Variants in ST6GALNAC3 observed in about 807,000 individuals in gnomAD.
ST6GALNAC3 encodes alpha-N-acetylgalactosaminide alpha-2,6-sialyltransferase 3.
A neutral mutation model predicts 32.7 loss-of-function variants in ST6GALNAC3; 25 were observed. The observed-to-expected ratio is 0.76, with a 90% CI of 0.56 to 1.07. The LOEUF (loss-of-function observed/expected upper bound fraction) is 1.07, where lower values mean the gene tolerates loss of function less well. ST6GALNAC3 is among the 50% of genes least tolerant of loss of function. The pLI, the probability that ST6GALNAC3 is intolerant of heterozygous loss-of-function variation, is 0.00. For synonymous variants in ST6GALNAC3, 129 were observed against 133.1 expected (o/e 0.97, Z 0.21); for missense variants, 355 against 382.4 (o/e 0.93, Z 0.60).
At chr1:76,400,104 G>C (rs1653291252) in intron 2 of ST6GALNAC3, among the ~76,000 whole-genome samples, 1 of 152,008 alleles carries the variant, frequency 6.6e-6, no homozygotes, top group Non-Finnish European at 1.5e-5. Flanking sequence ...TCATTTTGAA[G>C]GGATAGCTTC....
intron 1 of ST6GALNAC3, among the ~76,000 whole-genome samples, chr1:76,261,779 T>G (rs557692177): frequency 1.3e-5 from 2 of 152,292 alleles, no homozygotes; most frequent in East Asian, 3.9e-4. Flanking sequence ...AACTCCCCTC[T>G]TTTGGCCTAA....
intron 3 of ST6GALNAC3, among the ~76,000 whole-genome samples, chr1:76,423,321 T>A (rs967111690): frequency 1.3e-5 from 2 of 152,002 alleles, no homozygotes; most frequent in Non-Finnish European, 2.9e-5. Flanking sequence ...TAGAAATGGA[T>A]AACTAGGGCC....
chr1:76,229,584 TG>T (rs1656252948), intron 1 of ST6GALNAC3, among the ~76,000 whole-genome samples: 1 of 152,194 alleles, frequency 6.6e-6, no homozygotes, highest in Non-Finnish European at 1.5e-5. Flanking sequence ...CTCATTTGGT[TG>T]GTCTTTGTTT....
intron 3 of ST6GALNAC3, among the ~76,000 whole-genome samples, chr1:76,559,525 C>T (rs994244570): frequency 6.6e-6 from 1 of 152,114 alleles, no homozygotes; most frequent in Non-Finnish European, 1.5e-5. Context: ...ATACGTTAAA[C>T]TTTGTCAAAA....
downstream of ST6GALNAC3, among the ~76,000 whole-genome samples, chr1:76,636,091 T>C (rs1315479448): frequency 5.9e-5 from 9 of 152,164 alleles, no homozygotes; most frequent in Non-Finnish European, 1.0e-4. Flanking sequence ...AAAAAAATTT[T>C]TGTGTATGGA....
chr1:76,594,534 G>A (rs748930317), intron 3 of ST6GALNAC3, among the ~76,000 whole-genome samples: 25 of 152,032 alleles, frequency 1.6e-4, no homozygotes, highest in Non-Finnish European at 3.1e-4. Flanking sequence ...AATTACATTC[G>A]GATATTTTCT....
chr1:76,215,331 G>C (rs1655392800), intron 1 of ST6GALNAC3, among the ~76,000 whole-genome samples: 2 of 152,324 alleles, frequency 1.3e-5, no homozygotes, highest in East Asian at 1.9e-4. Context: ...GTCATTCACT[G>C]TGTGATGTGG....
intron 1 of ST6GALNAC3, among the ~76,000 whole-genome samples, chr1:76,159,748 TA>T (rs1157823399): frequency 6.6e-6 from 1 of 152,192 alleles, no homozygotes; most frequent in African/African-American, 2.4e-5. Context: ...GTCTGAAAGA[TA>T]AAAACAAGTG....
intron 3 of ST6GALNAC3, among the ~76,000 whole-genome samples, chr1:76,574,900 C>G (rs1646775759): frequency 6.6e-6 from 1 of 151,990 alleles, no homozygotes; most frequent in South Asian, 2.1e-4. Flanking sequence ...AGAAGGTGGC[C>G]CTTCCTCCAT....
At chr1:76,539,314 T>C (rs1260263586) in intron 3 of ST6GALNAC3, among the ~76,000 whole-genome samples, 2 of 152,218 alleles carry the variant, frequency 1.3e-5, no homozygotes, top group South Asian at 2.1e-4. Flanking sequence ...GCTAGCCATA[T>C]GCAGAAAACT....
intron 3 of ST6GALNAC3, among the ~76,000 whole-genome samples, chr1:76,484,236 T>C (rs1659943434): frequency 6.6e-6 from 1 of 152,188 alleles, no homozygotes; most frequent in African/African-American, 2.4e-5. Context: ...AACTTTAAAG[T>C]AGTTTTTTCC....
chr1:76,155,613 G>A (rs1008529019), intron 1 of ST6GALNAC3, among the ~76,000 whole-genome samples: 1 of 149,218 alleles, frequency 6.7e-6, no homozygotes, highest in Non-Finnish European at 1.5e-5. Context: ...GACGACAGGC[G>A]CCCGCCACTA....
intron 3 of ST6GALNAC3, among the ~76,000 whole-genome samples, chr1:76,595,495 G>C (rs1249355067): frequency 6.6e-6 from 1 of 152,064 alleles, no homozygotes; most frequent in African/African-American, 2.4e-5. Flanking sequence ...CTCCTGCAAT[G>C]TTTAACTGGT....
chr1:76,089,643 G>C (rs1283552489), intron 1 of ST6GALNAC3, among the ~76,000 whole-genome samples: 3 of 152,192 alleles, frequency 2.0e-5, no homozygotes, highest in Non-Finnish European at 4.4e-5. Flanking sequence ...AGGGAATCAA[G>C]TTTGAGCATT....
chr1:76,198,956 A>G (rs1300191008), intron 1 of ST6GALNAC3, among the ~76,000 whole-genome samples: 1 of 152,158 alleles, frequency 6.6e-6, no homozygotes, highest in Admixed American at 6.5e-5. Flanking sequence ...GACACCAGGT[A>G]GATCATGGCA....
chr1:76,435,345 T>C (rs1192510230), intron 3 of ST6GALNAC3, among the ~76,000 whole-genome samples: 1 of 152,160 alleles, frequency 6.6e-6, no homozygotes, highest in Non-Finnish European at 1.5e-5. Context: ...TGATTAAATA[T>C]ATGCATGTTA....
chr1:76,156,201 T>C (rs1282507407), intron 1 of ST6GALNAC3, among the ~76,000 whole-genome samples: 1 of 152,178 alleles, frequency 6.6e-6, no homozygotes, highest in Non-Finnish European at 1.5e-5. Flanking sequence ...GGGTACATAT[T>C]ATTAACATGA....
chr1:76,096,905 G>A (rs1406112605), intron 1 of ST6GALNAC3, among the ~76,000 whole-genome samples: 1 of 151,068 alleles, frequency 6.6e-6, no homozygotes, highest in Non-Finnish European at 1.5e-5. Context: ...TTCATGTAGA[G>A]GAAGTCATAG....
chr1:76,504,560 A>G (rs1198166982), intron 3 of ST6GALNAC3, among the ~76,000 whole-genome samples: 1 of 152,170 alleles, frequency 6.6e-6, no homozygotes, highest in African/African-American at 2.4e-5. Flanking sequence ...TTCATACCAC[A>G]TGAAAGTAAT....
Sources: allele counts gnomAD v4.1 joint callset (sites outside exome capture counted in the v4.1 genomes callset), GRCh38; gene constraint gnomAD v4.1.1; transcripts MANE v1.5; gene names NCBI Gene and HGNC (gene_info 2026-07-23, HGNC 2026-07-21).